The following POPDC1 variants were observed in gnomAD, a reference collection of about 807,000 sequenced individuals.
The protein encoded by POPDC1 is popeye domain cAMP effector 1.
chr6:105,116,938 GA>G, the POPDC1 span: 1 of 1,406,782 alleles, frequency 7.1e-7, no homozygotes, highest in Non-Finnish European at 9.6e-7. Flanking sequence ...TAGTGATTTA[GA>G]AAACTAGGAA....
At chr6:105,103,980 G>T in the POPDC1 span, among the ~76,000 whole-genome samples, 1 of 152,270 alleles carries the variant, frequency 6.6e-6, no homozygotes, top group South Asian at 2.1e-4. Flanking sequence ...GAAGAGCTAT[G>T]GAACTTACTA....
chr6:105,126,292 A>G, the POPDC1 span, among the ~76,000 whole-genome samples: 2 of 150,890 alleles, frequency 1.3e-5, no homozygotes, highest in African/African-American at 4.9e-5. Flanking sequence ...AAAGAAAAAG[A>G]AAAAAAATTA....
the POPDC1 span, chr6:105,101,298 G>T: frequency 2.2e-6 from 3 of 1,360,394 alleles, no homozygotes; most frequent in Admixed American, 2.9e-5. Flanking sequence ...AATTCCAACT[G>T]GAAAATAAAA....
chr6:105,131,966 CTTTTTTTTTTT>C, the POPDC1 span, among the ~76,000 whole-genome samples: 1 of 136,172 alleles, frequency 7.3e-6, no homozygotes. Context: ...TCATTTATCA[CTTTTTTTTTTT>C]TTTTTTTGAG....
the POPDC1 span, among the ~76,000 whole-genome samples, chr6:105,106,389 A>G: frequency 1.3e-5 from 2 of 152,208 alleles, no homozygotes; most frequent in Admixed American, 1.3e-4. Context: ...GGGAAAGAGA[A>G]CTGTAGCACC....
chr6:105,135,280 T>C, the POPDC1 span, among the ~76,000 whole-genome samples: 3,962 of 152,188 alleles, frequency 0.026, 163 homozygotes, highest in African/African-American at 0.092. Context: ...GAAATCACTG[T>C]TCCGTCTCCC....
chr6:105,131,721 TTC>T, the POPDC1 span, among the ~76,000 whole-genome samples: 16 of 152,318 alleles, frequency 1.1e-4, 1 homozygote, highest in South Asian at 3.3e-3. Context: ...TGGCCTAGAT[TTC>T]TCTTTCTGCA....
chr6:105,123,029 T>C, the POPDC1 span, among the ~76,000 whole-genome samples: 1 of 152,210 alleles, frequency 6.6e-6, no homozygotes, highest in Non-Finnish European at 1.5e-5. Context: ...AAAACTAAAC[T>C]GTATGTCTAA....
chr6:105,103,469 T>TAA, the POPDC1 span, among the ~76,000 whole-genome samples: 6 of 148,050 alleles, frequency 4.1e-5, no homozygotes, highest in Admixed American at 2.7e-4. Flanking sequence ...AAATTGTCTT[T>TAA]AAAAAAAAAA....
chr6:105,111,396 A>C, the POPDC1 span, among the ~76,000 whole-genome samples: 1 of 152,198 alleles, frequency 6.6e-6, no homozygotes, highest in Non-Finnish European at 1.5e-5. Context: ...CACAAAGATG[A>C]CAACAAGGTG....
chr6:105,131,351 A>C, the POPDC1 span, among the ~76,000 whole-genome samples: 1 of 152,184 alleles, frequency 6.6e-6, no homozygotes, highest in Admixed American at 6.5e-5. Flanking sequence ...AAACTGGAGG[A>C]CCTGAATTAT....
the POPDC1 span, chr6:105,133,700 G>T: frequency 2.8e-6 from 2 of 713,216 alleles, no homozygotes; most frequent in Middle Eastern, 3.2e-4. Context: ...CTTCTCTAGT[G>T]CTTATGAATT....
chr6:105,097,193 T>A, the POPDC1 span: 7 of 152,176 alleles, frequency 4.6e-5, no homozygotes, highest in Admixed American at 2.0e-4. Flanking sequence ...AAGCAGTGAT[T>A]ATGCCTCAGC....
At chr6:105,135,874 G>C in the POPDC1 span, among the ~76,000 whole-genome samples, 3 of 152,074 alleles carry the variant, frequency 2.0e-5, no homozygotes, top group Non-Finnish European at 4.4e-5. Flanking sequence ...TTCTTATACA[G>C]AGAATAGGTG....
chr6:105,116,563 C>A, the POPDC1 span: 15 of 659,098 alleles, frequency 2.3e-5, no homozygotes, highest in East Asian at 4.6e-4. Context: ...AAAATACTTT[C>A]TCCTCTCAAG....
chr6:105,111,400 C>T, the POPDC1 span, among the ~76,000 whole-genome samples: 6 of 152,194 alleles, frequency 3.9e-5, no homozygotes, highest in Non-Finnish European at 7.3e-5. Context: ...AAGATGACAA[C>T]AAGGTGCCCT....
At chr6:105,132,112 C>G in the POPDC1 span, among the ~76,000 whole-genome samples, 1 of 151,860 alleles carries the variant, frequency 6.6e-6, no homozygotes, top group African/African-American at 2.4e-5. Flanking sequence ...ATTACAAGTG[C>G]CTGCCACCAT....
At chr6:105,102,104 C>A in the POPDC1 span, among the ~76,000 whole-genome samples, 6 of 152,190 alleles carry the variant, frequency 3.9e-5, no homozygotes, top group African/African-American at 1.4e-4. Flanking sequence ...CCTGCTCTGC[C>A]CACACCCATA....
At chr6:105,121,324 G>T in the POPDC1 span, among the ~76,000 whole-genome samples, 1 of 151,592 alleles carries the variant, frequency 6.6e-6, no homozygotes, top group Middle Eastern at 3.4e-3. Flanking sequence ...GGAGTGCAGG[G>T]GTGTGATCTC....
Sources: allele counts gnomAD v4.1 joint callset (sites outside exome capture counted in the v4.1 genomes callset), GRCh38; gene constraint gnomAD v4.1.1; transcripts MANE v1.5; gene names NCBI Gene and HGNC (gene_info 2026-07-23, HGNC 2026-07-21).